ZNF678: variants seen among roughly 807,000 people sequenced by gnomAD.
The protein encoded by ZNF678 is zinc finger protein 678.
A neutral mutation model predicts 3.0 loss-of-function variants in ZNF678; 5 were observed. That is an observed-to-expected ratio of 1.69 (90% CI 0.88 to 3.56). ZNF678 has a LOEUF of 3.56. ZNF678 is among the 30% of genes most tolerant of loss of function. The pLI, the probability that ZNF678 is intolerant of heterozygous loss-of-function variation, is 0.00. For missense variants in ZNF678, 593 were observed against 605.0 expected (o/e 0.98, Z 0.21); for synonymous variants, 218 against 199.6 (o/e 1.09, Z -0.78).
intron 1 of ZNF678, among the ~76,000 whole-genome samples, chr1:227,583,681 C>A (rs1186737579): frequency 2.6e-5 from 4 of 152,032 alleles, no homozygotes; most frequent in Non-Finnish European, 4.4e-5. Flanking sequence ...TCAAAGGAGA[C>A]CAAGTGCATG....
Position 227,674,548 on chromosome 1 carries a change from A to G in ZNF678, c.227-2631A>G, listed in dbSNP as rs148437256. Among the ~76,000 whole-genome samples, 330 of 144,172 alleles carry G rather than the reference A, an allele frequency of 2.3e-3. 2 individuals carry two copies. Among genetic ancestry groups the G allele is most frequent in the African/African-American group, 8.3e-3 (318 of 38,504 alleles). The allele number at this position is 144,172 out of a possible 152,430, so 94.6% of individuals were successfully genotyped here. A position where few individuals can be genotyped will look rare whatever the true frequency, so the allele number is the denominator to read the frequency against. ...AGCATTTTCTTTATGTAAATTATTTAAGTTTATTTGGAAAAAAAATCATAG... is the reference window on the plus strand; with the variant it reads ...AGCATTTTCTTTATGTAAATTATTTGAGTTTATTTGGAAAAAAAATCATAG... On this transcript the variant is annotated intron_variant, in intron 5 of 5. Coordinates refer to the ZNF678 transcript ENST00000608949.
chr1:227,654,752 C>A lies in ZNF678; in HGVS notation c.502C>A (p.Leu168Ile), dbSNP rs762650271. The change falls in exon 4 of 4, where the codon CTA becomes ATA. Residue 168 changes from leucine (L) to isoleucine (I), a missense_variant. Coordinates refer to ENST00000343776, the MANE Select transcript of ZNF678 (RefSeq NM_001367909.1). The part of the protein sequence containing the change: ...CGKVFNWWSQ[L>I]TNHKKIHTGE... ...CAAAGTTTTTAATTGGTGGTCACAA[C>A]TAACTAACCATAAGAAAATTCATAC... The A allele has an allele frequency of 6.2e-7, 1 of 1,612,922 alleles. No individual in the cohort carries two copies. The highest frequency in any genetic ancestry group is 1.1e-5 in the South Asian group (1 of 91,006).
chr1:227,601,564 T>C (rs973037834), intron 1 of ZNF678, among the ~76,000 whole-genome samples: 6 of 151,708 alleles, frequency 4.0e-5, no homozygotes, highest in Admixed American at 2.0e-4. Flanking sequence ...TATTTATTTA[T>C]TTTTATTTTA....
At chr1:227,617,300 G>A (rs1220969658) in intron 1 of ZNF678, among the ~76,000 whole-genome samples, 1 of 152,212 alleles carries the variant, frequency 6.6e-6, no homozygotes, top group Non-Finnish European at 1.5e-5. Context: ...AGAGTAGCAT[G>A]TGTGTGATTA....
rs549730300 is a variant in ZNF678, at chr1:227,655,110, A to T, written c.860A>T (p.His287Leu). ...CACCTAACTAGACATAGGAGAATTC[A>T]TACTGGAGAGAAACCCTACAAATGT... Reference protein sequence around the residue: ...CSHLTRHRRIHTGEKPYKCEE... With the variant: ...CSHLTRHRRILTGEKPYKCEE... The change falls in exon 4 of 4, where the codon CAT becomes CTT. Residue 287 changes from histidine (H) to leucine (L), a missense_variant. Coordinates refer to ENST00000343776, the MANE Select transcript of ZNF678 (RefSeq NM_001367909.1). 1 of 1,613,192 alleles carries T rather than the reference A, an allele frequency of 6.2e-7. No individual in the cohort carries two copies. Among genetic ancestry groups the T allele is most frequent in the East Asian group, 2.2e-5 (1 of 44,774 alleles).
Position 227,651,013 on chromosome 1 carries a change from A to G in ZNF678, c.22A>G (p.Ile8Val), listed in dbSNP as rs147932334. MGTISLC[I>V]GVCAFEGANT... Reference sequence around the variant, plus strand: ...GATAATGGGCACAATATCACTTTGCATTGGTGTCTGTGCATTTGAAGGAGC... The same window carrying G: ...GATAATGGGCACAATATCACTTTGCGTTGGTGTCTGTGCATTTGAAGGAGC... The change falls in exon 3 of 4, where the codon ATT becomes GTT. Residue 8 changes from isoleucine to valine, a missense_variant. Coordinates refer to ENST00000343776, the MANE Select transcript of ZNF678 (RefSeq NM_001367909.1). 8.7e-6 allele frequency: 14 copies of G among 1,613,280 alleles called. No homozygotes were observed. In the African/African-American group the frequency reaches 1.1e-4, roughly 12 times the overall value.
chr1:227,644,598 G>A (rs945186262), intron 1 of ZNF678, among the ~76,000 whole-genome samples: 21 of 152,206 alleles, frequency 1.4e-4, no homozygotes, highest in South Asian at 8.3e-4. Context: ...GGGCCTAGGA[G>A]GATCAACATT....
intron 1 of ZNF678, among the ~76,000 whole-genome samples, chr1:227,581,680 G>A (rs1372913940): frequency 1.3e-5 from 2 of 152,130 alleles, no homozygotes; most frequent in African/African-American, 2.4e-5. Flanking sequence ...AATTTCGATT[G>A]TGTCTAGTTT....
downstream of ZNF678, among the ~76,000 whole-genome samples, chr1:227,664,787 A>T (rs992274899): frequency 4.0e-5 from 6 of 151,660 alleles, no homozygotes; most frequent in Admixed American, 6.6e-5. Flanking sequence ...TCAGGGTTCT[A>T]TCCCCAGGAC....
chr1:227,660,148 A>G lies in ZNF678; in HGVS notation c.*4320A>G, dbSNP rs77295228. ...CCATTGGTCTATTTATCTGTTTTTA[A>G]TGCCAGTATTGGACTGTTTCAGTTA... On this transcript the variant is annotated 3_prime_UTR_variant, in exon 4 of 4. Coordinates refer to ENST00000343776, the MANE Select transcript of ZNF678 (RefSeq NM_001367909.1). The G allele has an allele frequency of 6.6e-6, 1 of 152,122 alleles. No individual in the cohort carries two copies. The highest frequency in any genetic ancestry group is 1.5e-5 in the Non-Finnish European group (1 of 67,992). The allele number at this position is 152,122 out of a possible 1,614,324, so 9.4% of individuals were successfully genotyped here. A position where few individuals can be genotyped will look rare whatever the true frequency, so the allele number is the denominator to read the frequency against.
intron 1 of ZNF678, among the ~76,000 whole-genome samples, chr1:227,622,330 C>T (rs1658301290): frequency 6.6e-6 from 1 of 152,314 alleles, no homozygotes; most frequent in South Asian, 2.1e-4. Context: ...TTTGTCAGCA[C>T]CCACATATTC....
At chr1:227,672,012 C>T (rs750387134) in intron 5 of ZNF678, among the ~76,000 whole-genome samples, 11 of 152,014 alleles carry the variant, frequency 7.2e-5, no homozygotes, top group Non-Finnish European at 1.5e-4. Flanking sequence ...TGCAGTGATG[C>T]AGAGAAATGC....
rs114711364 is a variant in ZNF678 at position 227,626,659 on chromosome 1, C to G, written c.-163-19885C>G. Among the ~76,000 whole-genome samples the G allele has an allele frequency of 4.7e-3, 719 of 152,242 alleles. 7 individuals are homozygous for G. The highest frequency in any genetic ancestry group is 0.017 in the African/African-American group (689 of 41,534). On this transcript the variant is annotated intron_variant, in intron 1 of 3. Coordinates refer to ENST00000343776, the MANE Select transcript of ZNF678 (RefSeq NM_001367909.1). ...TTTTGGGGAGAGTTTCGGATTCTTA[C>G]TAAGGCTATAGGCAACAGAGCAAAC...
At chr1:227,593,750 GAA>G (rs981192950) in intron 1 of ZNF678, among the ~76,000 whole-genome samples, 5 of 152,094 alleles carry the variant, frequency 3.3e-5, no homozygotes, top group South Asian at 2.1e-4. Context: ...TAGAATAGAT[GAA>G]AAGAGTTACA....
intron 1 of ZNF678, among the ~76,000 whole-genome samples, chr1:227,583,047 G>C (rs1657169357): frequency 6.6e-6 from 1 of 152,036 alleles, no homozygotes; most frequent in African/African-American, 2.4e-5. Context: ...CACTATAATA[G>C]CCTCCCTGTT....
At chr1:227,634,878 A>G (rs998892249) in intron 1 of ZNF678, among the ~76,000 whole-genome samples, 1 of 152,132 alleles carries the variant, frequency 6.6e-6, no homozygotes, top group Admixed American at 6.5e-5. Flanking sequence ...CATAGGTGGT[A>G]GTAGCCAGGG....
At chr1:227,617,425 A>G (rs938212365) in intron 1 of ZNF678, among the ~76,000 whole-genome samples, 1 of 152,210 alleles carries the variant, frequency 6.6e-6, no homozygotes, top group Non-Finnish European at 1.5e-5. Context: ...CGTCATGGGG[A>G]GTACCTTATG....
chr1:227,600,417 A>C (rs1403825409), intron 1 of ZNF678, among the ~76,000 whole-genome samples: 1 of 152,220 alleles, frequency 6.6e-6, no homozygotes, highest in Non-Finnish European at 1.5e-5. Flanking sequence ...ACAAATTTAC[A>C]GTCCTACCAA....
rs1443568045 is a variant in ZNF678, at chr1:227,659,091, T to A, written c.*3263T>A. ...TTTAGTTTTTAGTGTTTATGTAATA[T>A]ATTAGACAATAATAAACATTTACAT... On this transcript the variant is annotated 3_prime_UTR_variant, in exon 4 of 4. Coordinates refer to ENST00000343776, the MANE Select transcript of ZNF678 (RefSeq NM_001367909.1). 6.6e-6 allele frequency: 1 copy of A among 152,084 alleles called. No homozygotes were observed. Among genetic ancestry groups the A allele is most frequent in the Admixed American group, 6.6e-5 (1 of 15,254 alleles). The allele number at this position is 152,084 out of a possible 1,614,324, so 9.4% of individuals were successfully genotyped here.
Sources: allele counts gnomAD v4.1 joint callset (sites outside exome capture counted in the v4.1 genomes callset), GRCh38; gene constraint gnomAD v4.1.1; transcripts MANE v1.5; gene names NCBI Gene and HGNC (gene_info 2026-07-23, HGNC 2026-07-21).